BBS9: variants seen among roughly 807,000 people sequenced by gnomAD.
BBS9 encodes the protein Bardet-Biedl syndrome 9.
BBS9 carries 89 observed loss-of-function variants against 117.7 expected under a neutral mutation model. The observed-to-expected ratio is 0.76, with a 90% CI of 0.64 to 0.90. BBS9 has a LOEUF of 0.90. BBS9 is among the 40% of genes least tolerant of loss of function. The probability of loss-of-function intolerance (pLI) is 0.00; values close to 1 mark genes in which losing one functional copy is unlikely to be tolerated. For synonymous variants in BBS9, 379 were observed against 370.9 expected (o/e 1.02, Z -0.25); for missense variants, 982 against 1,042.2 (o/e 0.94, Z 0.80).
intron 19 of BBS9, among the ~76,000 whole-genome samples, chr7:33,417,518 T>C (rs1298109368): frequency 6.6e-6 from 1 of 152,242 alleles, no homozygotes. Flanking sequence ...CAAATAATTT[T>C]CATCTCCTAT....
At chr7:33,222,102 C>T (rs1790360979) in intron 5 of BBS9, among the ~76,000 whole-genome samples, 1 of 152,074 alleles carries the variant, frequency 6.6e-6, no homozygotes, top group South Asian at 2.1e-4. Context: ...TTTTTGGCTT[C>T]TTGTTTATTA....
At chr7:33,194,293 C>T (rs1408296707) in intron 5 of BBS9, among the ~76,000 whole-genome samples, 5 of 152,072 alleles carry the variant, frequency 3.3e-5, no homozygotes, top group Non-Finnish European at 7.4e-5. Flanking sequence ...TATTCACAGC[C>T]TCACCCCTCC....
chr7:33,248,598 T>C (rs1035592889), intron 5 of BBS9, among the ~76,000 whole-genome samples: 1 of 152,184 alleles, frequency 6.6e-6, no homozygotes, highest in African/African-American at 2.4e-5. Flanking sequence ...CTATTTGTTT[T>C]TAAGGCAGTA....
intron 19 of BBS9, among the ~76,000 whole-genome samples, chr7:33,435,049 C>T (rs112345685): frequency 1.2e-3 from 185 of 152,238 alleles, no homozygotes; most frequent in African/African-American, 4.3e-3. Flanking sequence ...GATTTCTGTT[C>T]CTCTGCCCAA....
At chr7:33,155,730 T>C (rs1304052279) in intron 4 of BBS9, 28 bp downstream of exon 4, 2 of 1,287,430 alleles carry the variant, frequency 1.6e-6, no homozygotes, top group Admixed American at 3.4e-5. Context: ...CAATGTAGAA[T>C]TTATATTACA....
chr7:33,406,901 C>G (rs4723283), intron 19 of BBS9, among the ~76,000 whole-genome samples: 90,587 of 151,106 alleles, frequency 0.6, 27,451 homozygotes, highest in African/African-American at 0.69. Context: ...GTGAATCTGA[C>G]AATTATGTGT....
At chr7:33,531,589 A>G (rs1022097541) in intron 20 of BBS9, among the ~76,000 whole-genome samples, 6 of 152,200 alleles carry the variant, frequency 3.9e-5, no homozygotes, top group African/African-American at 1.2e-4. Context: ...CTCAGTTTAT[A>G]TAAGGAAGAA....
intron 20 of BBS9, among the ~76,000 whole-genome samples, chr7:33,512,170 A>G (rs1312913343): frequency 6.6e-6 from 1 of 152,192 alleles, no homozygotes; most frequent in East Asian, 1.9e-4. Context: ...ATATTACTTA[A>G]TTGTATAATA....
chr7:33,268,762 G>A (rs944714894), intron 7 of BBS9, among the ~76,000 whole-genome samples: 2 of 152,146 alleles, frequency 1.3e-5, no homozygotes, highest in African/African-American at 2.4e-5. Flanking sequence ...TAAATTGAAA[G>A]TATTTAGTGG....
chr7:33,158,211 T>C (rs1794360491), intron 4 of BBS9, among the ~76,000 whole-genome samples: 1 of 152,206 alleles, frequency 6.6e-6, no homozygotes, highest in South Asian at 2.1e-4. Context: ...TGCTCAGCAG[T>C]TACCTAAAAT....
At chr7:33,407,503 AG>A (rs1343824754) in intron 19 of BBS9, among the ~76,000 whole-genome samples, 1 of 152,046 alleles carries the variant, frequency 6.6e-6, no homozygotes, top group Non-Finnish European at 1.5e-5. Flanking sequence ...GGAGGAGGAG[AG>A]GCGCTCTGCT....
Position 33,344,509 on chromosome 7 carries a change from C to G in BBS9, c.1276-72C>G, listed in dbSNP as rs372611178. The G allele has an allele frequency of 2.3e-6, 3 of 1,279,104 alleles. No individual in the cohort carries two copies. In the African/African-American group the frequency reaches 4.4e-5, roughly 19 times the overall value. 79.2% of individuals were successfully genotyped at this position (1,279,104 alleles called of 1,614,324 possible). On this transcript the variant is annotated intron_variant, in intron 11 of 22. Coordinates refer to ENST00000242067, the MANE Select transcript of BBS9 (RefSeq NM_198428.3). Reference sequence around the variant, plus strand: ...TTGATAGTAGGAAATATACATTGCACTCATTGTGTTCACTCACTGCTGTGT... The same window carrying G: ...TTGATAGTAGGAAATATACATTGCAGTCATTGTGTTCACTCACTGCTGTGT...
At chr7:33,536,100 G>T (rs1851320955) in intron 21 of BBS9, among the ~76,000 whole-genome samples, 1 of 152,282 alleles carries the variant, frequency 6.6e-6, no homozygotes, top group Non-Finnish European at 1.5e-5. Context: ...AAGGGAGAAA[G>T]AAATGAAAAG....
intron 5 of BBS9, among the ~76,000 whole-genome samples, chr7:33,219,566 T>C (rs1789797397): frequency 6.6e-6 from 1 of 152,190 alleles, no homozygotes; most frequent in African/African-American, 2.4e-5. Context: ...GCTCAGGGTT[T>C]GTGAATGCAC....
intron 17 of BBS9, among the ~76,000 whole-genome samples, chr7:33,381,938 A>G (rs1427643816): frequency 6.6e-6 from 1 of 152,214 alleles, no homozygotes. Flanking sequence ...AACCAATCCG[A>G]AGAAGTAATT....
At chr7:33,216,095 T>G (rs1789005420) in intron 5 of BBS9, among the ~76,000 whole-genome samples, 1 of 152,242 alleles carries the variant, frequency 6.6e-6, no homozygotes, top group South Asian at 2.1e-4. Flanking sequence ...TTTAATGACC[T>G]TGAACTCTGA....
At chr7:33,193,053 A>G (rs1158861483) in intron 5 of BBS9, among the ~76,000 whole-genome samples, 1 of 152,130 alleles carries the variant, frequency 6.6e-6, no homozygotes, top group Non-Finnish European at 1.5e-5. Flanking sequence ...TTTACATCCT[A>G]TCCATATTAT....
chr7:33,388,434 G>T (rs998406547), intron 19 of BBS9, among the ~76,000 whole-genome samples: 3 of 152,126 alleles, frequency 2.0e-5, no homozygotes, highest in African/African-American at 7.2e-5. Flanking sequence ...CAAGAACAAT[G>T]CCAGGCACGT....
chr7:33,518,245 CTTTTTTTTTTTT>C (rs747829401), intron 20 of BBS9, among the ~76,000 whole-genome samples: 2 of 93,930 alleles, frequency 2.1e-5, no homozygotes, highest in African/African-American at 8.7e-5. Flanking sequence ...TGTATATATT[CTTTTTTTTTTTT>C]TTTTTTTTTT....
Sources: gnomAD v4.1 joint callset for allele counts (sites outside exome capture counted in the v4.1 genomes callset) on GRCh38, gnomAD v4.1.1 for gene constraint, MANE v1.5 for transcripts, NCBI Gene and HGNC (gene_info 2026-07-23, HGNC 2026-07-21) for gene names.